ATG7: variants seen among roughly 807,000 people sequenced by gnomAD.
ATG7 encodes the protein autophagy related 7.
In ATG7, 70 loss-of-function variants were observed where a neutral mutation model predicts 82.4. That is an observed-to-expected ratio of 0.85 (90% CI 0.70 to 1.04). The LOEUF is 1.04. Among genes scored for constraint, ATG7 ranks in the 50% least tolerant of loss-of-function variants. The pLI is 0.00. For synonymous variants in ATG7, 287 were observed against 313.0 expected, an observed-to-expected ratio of 0.92 and a Z score of 0.88; for missense variants, 792 against 864.3, an observed-to-expected ratio of 0.92 and a Z score of 1.05.
chr3:11,393,935 C>T lies in ATG7; in HGVS notation c.1956+13883C>T, dbSNP rs555814860. Among the ~76,000 whole-genome samples, 5 of 152,300 alleles carry T rather than the reference C, an allele frequency of 3.3e-5. No homozygotes were observed. The South Asian group carries it at 1.0e-3, about 32-fold the overall frequency. ...AGCTCAAGCAGTCCTCCTCCCTTGGCCTCCCAAAGTGCTGGGATTACAGGC... is the reference window on the plus strand; with the variant it reads ...AGCTCAAGCAGTCCTCCTCCCTTGGTCTCCCAAAGTGCTGGGATTACAGGC... On this transcript the variant is annotated intron_variant, in intron 19 of 20. Coordinates refer to ENST00000693202, the MANE Select transcript of ATG7 (RefSeq NM_001349232.2).
In ATG7 at chr3:11,360,595, T is replaced by C. The variant is rs934857447; in HGVS notation, c.1494T>C (p.Ala498=). The change falls in exon 16 of 21, where the codon GCT becomes GCC. Residue 498 remains alanine, a synonymous_variant. Coordinates refer to ENST00000693202, the MANE Select transcript of ATG7 (RefSeq NM_001349232.2). ...AASKRKLVIN[A]ALGFDTFVVM... is the part of the protein sequence containing the mutation. ...GAAACCTGCAGCTGGTCATCAATGCTGCTTTGGGATTTGACACATTTGTTG... is the reference window on the plus strand; with the variant it reads ...GAAACCTGCAGCTGGTCATCAATGCCGCTTTGGGATTTGACACATTTGTTG... 3 of 1,613,614 alleles carry C rather than the reference T, an allele frequency of 1.9e-6. No homozygotes were observed. The African/African-American group carries it at 4.0e-5, about 22-fold the overall frequency.
At position 11,364,931 on chromosome 3, in the gene ATG7, G is replaced by A. The variant is rs371823483; in HGVS notation, c.1875+197G>A. 3.9e-5 allele frequency among the ~76,000 whole-genome samples: 6 copies of A among 152,206 alleles called. No individual in the cohort carries two copies. The South Asian group carries it at 8.3e-4, about 21-fold the overall frequency. On this transcript the variant is annotated intron_variant, in intron 18 of 20. Coordinates refer to ENST00000693202, the MANE Select transcript of ATG7 (RefSeq NM_001349232.2). ...ATAGTGATGGGAGGAAATCACGAAC[G>A]AGAAGCATTGCCCAGAGTCTTTGAT...
chr3:11,485,211 T>C (rs916190303), intron 20 of ATG7, among the ~76,000 whole-genome samples: 5 of 152,208 alleles, frequency 3.3e-5, no homozygotes, highest in African/African-American at 4.8e-5. Context: ...ACCTGTTGTT[T>C]CCTGACTTTT....
At chr3:11,514,706 A>G (rs916022184) in intron 20 of ATG7, among the ~76,000 whole-genome samples, 3 of 152,180 alleles carry the variant, frequency 2.0e-5, no homozygotes, top group African/African-American at 7.2e-5. Context: ...ACATAGCTCC[A>G]CTTTTCAGAG....
At chr3:11,314,767 G>T (rs528473102) in intron 8 of ATG7, among the ~76,000 whole-genome samples, 2 of 39,128 alleles carry the variant, frequency 5.1e-5, no homozygotes, top group Non-Finnish European at 4.7e-5. Context: ...AAACCCCATC[G>T]CTATAAAAAA....
At chr3:11,472,486 C>T (rs749892923) in intron 20 of ATG7, among the ~76,000 whole-genome samples, 4 of 152,080 alleles carry the variant, frequency 2.6e-5, no homozygotes, top group Non-Finnish European at 4.4e-5. Context: ...ATTCTTATCT[C>T]TAGGGTTAGG....
intron 20 of ATG7, among the ~76,000 whole-genome samples, chr3:11,435,480 G>T (rs1396513008): frequency 3.9e-5 from 6 of 152,122 alleles, no homozygotes; most frequent in Non-Finnish European, 7.3e-5. Context: ...TACTTTAATA[G>T]CAGCATCCTT....
chr3:11,387,953 G>C (rs139426538), intron 19 of ATG7, among the ~76,000 whole-genome samples: 77 of 152,234 alleles, frequency 5.1e-4, no homozygotes, highest in African/African-American at 1.5e-3. Flanking sequence ...CTGAGTGACA[G>C]AGCAAAAGAA....
rs139564364 is a variant in ATG7 at position 11,374,488 on chromosome 3, A to G, written c.1876-5484A>G. 1.1e-4 allele frequency among the ~76,000 whole-genome samples: 16 copies of G among 152,340 alleles called. No homozygotes were observed. In the East Asian group the frequency reaches 3.1e-3, roughly 29 times the overall value. On this transcript the variant is annotated intron_variant, in intron 18 of 20. Coordinates refer to ENST00000693202, the MANE Select transcript of ATG7 (RefSeq NM_001349232.2). ...TAAAACTGTAAAATTCCTAGAAGAA[A>G]ATATCATAAATCTTTATGAACTTGG...
At chr3:11,401,561 C>T (rs993202975) in intron 19 of ATG7, among the ~76,000 whole-genome samples, 3 of 152,164 alleles carry the variant, frequency 2.0e-5, no homozygotes, top group Non-Finnish European at 4.4e-5. Flanking sequence ...GAAGTCAGTC[C>T]ACTTCATGCT....
intron 20 of ATG7, chr3:11,477,336 T>C (rs2088374001): frequency 8.6e-7 from 1 of 1,159,586 alleles, no homozygotes; most frequent in African/African-American, 1.6e-5. Context: ...CCTGAATCGA[T>C]AAATACGTTC....
intron 11 of ATG7, among the ~76,000 whole-genome samples, chr3:11,339,847 T>G (rs1273830612): frequency 6.6e-6 from 1 of 152,162 alleles, no homozygotes; most frequent in Admixed American, 6.5e-5. Flanking sequence ...TCTCAGAGCT[T>G]TTATCTCCCT....
intron 20 of ATG7, among the ~76,000 whole-genome samples, chr3:11,510,491 C>G (rs1392973212): frequency 1.4e-5 from 2 of 147,262 alleles, no homozygotes; most frequent in African/African-American, 5.1e-5. Context: ...GCTGCCTTGT[C>G]TGGTCAGGCC....
intron 19 of ATG7, among the ~76,000 whole-genome samples, chr3:11,424,788 G>T (rs1417882965): frequency 6.6e-6 from 1 of 152,104 alleles, no homozygotes; most frequent in Non-Finnish European, 1.5e-5. Context: ...GATGATACAT[G>T]CATAAACAAG....
At chr3:11,570,202 T>C in the ATG7 span, among the ~76,000 whole-genome samples, 1 of 152,014 alleles carries the variant, frequency 6.6e-6, no homozygotes, top group Admixed American at 6.6e-5. Context: ...ACCGGCCCTG[T>C]GGCATCAGCC....
intron 20 of ATG7, chr3:11,446,463 T>C (rs1165402952): frequency 2.4e-6 from 1 of 423,362 alleles, no homozygotes; most frequent in African/African-American, 2.1e-5. Flanking sequence ...AGGGGAAACT[T>C]GGCGTCATCA....
chr3:11,440,058 T>C (rs1459013352), intron 20 of ATG7, among the ~76,000 whole-genome samples: 1 of 152,230 alleles, frequency 6.6e-6, no homozygotes, highest in African/African-American at 2.4e-5. Context: ...TTCTGCTTTA[T>C]AGAACATATC....
intron 12 of ATG7, 74 bp downstream of exon 12, chr3:11,340,809 C>T (rs924639785): frequency 7.3e-7 from 1 of 1,364,602 alleles, no homozygotes; most frequent in African/African-American, 1.4e-5. Flanking sequence ...GTCAGGCCAA[C>T]ACAACATTGT....
At chr3:11,424,831 T>C (rs897161248) in intron 19 of ATG7, among the ~76,000 whole-genome samples, 1 of 152,178 alleles carries the variant, frequency 6.6e-6, no homozygotes, top group African/African-American at 2.4e-5. Flanking sequence ...CTTCTTCCTG[T>C]CTCCTCCTTC....
Sources: allele counts gnomAD v4.1 joint callset (sites outside exome capture counted in the v4.1 genomes callset), GRCh38; gene constraint gnomAD v4.1.1; transcripts MANE v1.5; gene names NCBI Gene and HGNC (gene_info 2026-07-23, HGNC 2026-07-21).